The following SHISA6 variants were observed in gnomAD, a reference collection of about 807,000 sequenced individuals.
SHISA6 encodes protein shisa-6.
In SHISA6, 22 loss-of-function variants were observed where a neutral mutation model predicts 47.9. The observed-to-expected ratio is 0.46, with a 90% CI of 0.33 to 0.66. The LOEUF (loss-of-function observed/expected upper bound fraction) is 0.66, where lower values mean the gene tolerates loss of function less well. Ranked by LOEUF, SHISA6 falls within the 30% of genes least tolerant of loss-of-function variation. The pLI is 0.02. For missense variants in SHISA6, 680 were observed against 764.6 expected, an observed-to-expected ratio of 0.89 and a Z score of 1.30; for synonymous variants, 388 against 337.8, an observed-to-expected ratio of 1.15 and a Z score of -1.63.
intron 3 of SHISA6, among the ~76,000 whole-genome samples, chr17:11,382,340 A>G (rs781257418): frequency 3.9e-5 from 6 of 152,046 alleles, no homozygotes; most frequent in African/African-American, 7.2e-5. Context: ...TCCCCTCCCA[A>G]AGTGCTGAGT....
intron 2 of SHISA6, among the ~76,000 whole-genome samples, chr17:11,286,670 A>G (rs1437862882): frequency 6.6e-6 from 1 of 152,216 alleles, no homozygotes; most frequent in Non-Finnish European, 1.5e-5. Context: ...TTTCTCTCCA[A>G]AGGAACCAGA....
At chr17:11,512,748 A>G (rs975135357) in intron 3 of SHISA6, among the ~76,000 whole-genome samples, 8 of 152,172 alleles carry the variant, frequency 5.3e-5, no homozygotes, top group Admixed American at 3.9e-4. Context: ...TAATATAATT[A>G]AGAGAGTGTT....
chr17:11,388,263 A>C (rs987143872), intron 3 of SHISA6, among the ~76,000 whole-genome samples: 2 of 152,176 alleles, frequency 1.3e-5, no homozygotes, highest in African/African-American at 4.8e-5. Context: ...CCATGGCAAC[A>C]GTGAGCTTTT....
chr17:11,312,482 G>A (rs934261057), intron 2 of SHISA6, among the ~76,000 whole-genome samples: 9 of 151,962 alleles, frequency 5.9e-5, no homozygotes, highest in South Asian at 4.2e-4. Flanking sequence ...CTTTGAAAAC[G>A]CACTTCATCT....
chr17:11,525,607 T>C (rs536903139), intron 3 of SHISA6, among the ~76,000 whole-genome samples: 44 of 110,152 alleles, frequency 4.0e-4, no homozygotes, highest in Admixed American at 3.8e-3. Context: ...CACTCCAGCC[T>C]GGCAACAGAG....
At chr17:11,291,453 G>A (rs1035119345) in intron 2 of SHISA6, among the ~76,000 whole-genome samples, 3 of 151,898 alleles carry the variant, frequency 2.0e-5, no homozygotes, top group African/African-American at 7.3e-5. Context: ...GGCCATCATG[G>A]TGAAACCCCG....
At chr17:11,271,388 G>A (rs566406189) in intron 2 of SHISA6, among the ~76,000 whole-genome samples, 12 of 152,188 alleles carry the variant, frequency 7.9e-5, no homozygotes, top group African/African-American at 2.6e-4. Context: ...TGACAAACTC[G>A]GGATTCAACA....
In SHISA6 at chr17:11,305,161, C is replaced by T. The variant is rs74689930; in HGVS notation, c.799+41635C>T. Reference sequence around the variant, plus strand: ...GGAACAACTTTTGTGCCTCCTTTTCCTCTTACAAAAAGCAGGGCTCCTAAG... The same window carrying T: ...GGAACAACTTTTGTGCCTCCTTTTCTTCTTACAAAAAGCAGGGCTCCTAAG... On this transcript the variant is annotated intron_variant, in intron 2 of 5. Coordinates refer to ENST00000441885, the MANE Select transcript of SHISA6 (RefSeq NM_207386.4). 6.8e-3 allele frequency among the ~76,000 whole-genome samples: 1,033 copies of T among 152,232 alleles called. 7 individuals carry two copies. Among genetic ancestry groups the T allele is most frequent in the African/African-American group, 0.024 (979 of 41,524 alleles).
chr17:11,248,022 C>T (rs1042955275), intron 1 of SHISA6, among the ~76,000 whole-genome samples: 2 of 152,126 alleles, frequency 1.3e-5, no homozygotes, highest in African/African-American at 4.8e-5. Flanking sequence ...GCTCTGCCCA[C>T]CTCTGCCTCC....
In SHISA6 at chr17:11,504,029, T is replaced by TCCCCTC. The variant is rs1277453009; in HGVS notation, c.896-47867_896-47866insCCCCTC. Among the ~76,000 whole-genome samples, 15 of 152,216 alleles carry TCCCCTC rather than the reference T, an allele frequency of 9.9e-5. 1 individual carries two copies. Among genetic ancestry groups the TCCCCTC allele is most frequent in the Non-Finnish European group, 2.9e-5 (2 of 68,030 alleles). On this transcript the variant is annotated intron_variant, in intron 3 of 5. Transcript: ENST00000441885. Reference sequence around the variant, plus strand: ...TGGCGATTTTTAAACCTAGGGGAGATGCTCACTTATCTGGGATGGATGCAT... The same window carrying TCCCCTC: ...TGGCGATTTTTAAACCTAGGGGAGATCCCCTCGCTCACTTATCTGGGATGGATGCAT...
chr17:11,362,350 A>G (rs1912316880), intron 2 of SHISA6, among the ~76,000 whole-genome samples: 1 of 152,118 alleles, frequency 6.6e-6, no homozygotes, highest in Admixed American at 6.5e-5. Context: ...ATGTTGTCCA[A>G]GCAGGTCTCA....
At chr17:11,272,772 TC>T (rs1291555368) in intron 2 of SHISA6, among the ~76,000 whole-genome samples, 4 of 152,132 alleles carry the variant, frequency 2.6e-5, no homozygotes, top group African/African-American at 9.7e-5. Flanking sequence ...TCCCAGTAAG[TC>T]CCACGGGGAA....
In SHISA6 at chr17:11,241,882, C is replaced by G. The variant is rs1377075245; in HGVS notation, c.460C>G (p.Pro154Ala). 6.4e-7 allele frequency: 1 copy of G among 1,551,230 alleles called. No homozygotes were observed. The highest frequency in any genetic ancestry group is 8.7e-7 in the Non-Finnish European group (1 of 1,147,034). ...NYQSPVWVQTPSTKVVSPGPE... is the reference protein window; with the variant it reads ...NYQSPVWVQTASTKVVSPGPE... ...CCAGAGCCCGGTGTGGGTACAGACG[C>G]CCAGCACCAAGGTGGTGTCGCCGGG... is the stretch of plus-strand genomic sequence containing the variant. The change falls in exon 1 of 6, where the codon CCC (proline) becomes GCC (alanine). Residue 154 changes from proline to alanine, a missense_variant. Pro to Ala is a conservative substitution (Grantham distance 27, BLOSUM62 -1). This residue lies in a region of SHISA6 where 559 missense variants were observed against 674.1 expected (regional missense o/e 0.83). Transcript: ENST00000441885. The surrounding 1 kb of genome is among the most constrained non-coding windows in gnomAD (Gnocchi z 5.5).
At chr17:11,260,173 C>T (rs928292534) in intron 1 of SHISA6, among the ~76,000 whole-genome samples, 16 of 152,106 alleles carry the variant, frequency 1.1e-4, no homozygotes, top group African/African-American at 3.4e-4. Flanking sequence ...ATCAGATTTG[C>T]TGCCTGATTA....
At position 11,379,619 on chromosome 17, in the gene SHISA6, G is replaced by A. The variant is rs191849581; in HGVS notation, c.895+110G>A. 4.9e-3 allele frequency: 3,503 copies of A among 717,134 alleles called. 49 individuals are homozygous for A. The highest frequency in any genetic ancestry group is 0.035 in the Admixed American group (1,181 of 33,272). The allele number at this position is 717,134 out of a possible 1,614,324, so 44.4% of individuals were successfully genotyped here. The stretch of plus-strand genomic sequence containing the variant: ...GGCTTGTCTGGGACAGGAATAAGTG[G>A]GGTGGTTCCATGGCAGCTTGTCCTG... On this transcript the variant is annotated intron_variant, in intron 3 of 5. Coordinates refer to ENST00000441885, the MANE Select transcript of SHISA6 (RefSeq NM_207386.4).
chr17:11,329,758 C>T (rs113231531), intron 2 of SHISA6, among the ~76,000 whole-genome samples: 264 of 152,128 alleles, frequency 1.7e-3, no homozygotes, highest in African/African-American at 6.0e-3. Flanking sequence ...ACCAGTTGTC[C>T]TGGTCTGAAT....
Position 11,395,013 on chromosome 17 carries a change from T to G in SHISA6, c.895+15504T>G, listed in dbSNP as rs1195967046. On this transcript the variant is annotated intron_variant, in intron 3 of 5. Coordinates refer to ENST00000441885, the MANE Select transcript of SHISA6 (RefSeq NM_207386.4). ...TTTTTCTTTTCTTTTTTTTTTTTTT[T>G]TTTTTTGAGACAGAGTCTCGCTCTG... is the stretch of plus-strand genomic sequence containing the variant. 4.8e-5 allele frequency among the ~76,000 whole-genome samples: 7 copies of G among 144,990 alleles called. No homozygotes were observed. In the East Asian group the frequency reaches 1.4e-3, roughly 28 times the overall value.
intron 2 of SHISA6, among the ~76,000 whole-genome samples, chr17:11,350,583 G>C: frequency 6.6e-6 from 1 of 151,942 alleles, no homozygotes; most frequent in Non-Finnish European, 1.5e-5. Flanking sequence ...TTACATCTCA[G>C]TTCTATCCCC....
intron 2 of SHISA6, among the ~76,000 whole-genome samples, chr17:11,293,855 G>A (rs1444906013): frequency 6.6e-6 from 1 of 152,018 alleles, no homozygotes; most frequent in Non-Finnish European, 1.5e-5. Context: ...ATTATTATTG[G>A]TACTATTATT....
Sources: allele counts gnomAD v4.1 joint callset (sites outside exome capture counted in the v4.1 genomes callset), GRCh38; gene constraint gnomAD v4.1.1; regional missense constraint gnomAD v4.1.1; non-coding constraint Gnocchi (gnomAD v3.1); transcripts MANE v1.5; gene names NCBI Gene and HGNC (gene_info 2026-07-23, HGNC 2026-07-21).